Variants in SKI observed in about 807,000 individuals in gnomAD.
SKI encodes the protein SKI proto-oncogene.
Under a neutral mutation model 59.3 loss-of-function variants are expected in SKI, and 23 were observed. The observed-to-expected ratio is 0.39, with a 90% confidence interval of 0.28 to 0.55. SKI has a LOEUF of 0.55. Among genes scored for constraint, SKI ranks in the 20% least tolerant of loss-of-function variants. SKI has a pLI of 0.67. For missense variants in SKI, 1,017 were observed against 1,038.9 expected, an observed-to-expected ratio of 0.98 and a Z score of 0.29; for synonymous variants, 673 against 488.6, an observed-to-expected ratio of 1.38 and a Z score of -4.98.
intron 1 of SKI, among the ~76,000 whole-genome samples, chr1:2,298,743 G>A (rs1186876969): frequency 6.6e-6 from 1 of 152,232 alleles, no homozygotes; most frequent in Non-Finnish European, 1.5e-5. Flanking sequence ...GCCGATCCTG[G>A]CTGCTGTATC....
At chr1:2,305,441 C>T (rs1030836621) in intron 5 of SKI, among the ~76,000 whole-genome samples, 16 of 152,174 alleles carry the variant, frequency 1.1e-4, no homozygotes, top group Non-Finnish European at 2.1e-4. Context: ...CCCTCCTGCG[C>T]GTGCCAGTCC....
chr1:2,295,933 G>A (rs1557846404), intron 1 of SKI, among the ~76,000 whole-genome samples: 1 of 152,176 alleles, frequency 6.6e-6, no homozygotes, highest in Non-Finnish European at 1.5e-5. Context: ...AGTAACCTGC[G>A]TGTACGCCGA....
At chr1:2,288,968 C>T (rs1640103975) in intron 1 of SKI, among the ~76,000 whole-genome samples, 1 of 152,250 alleles carries the variant, frequency 6.6e-6, no homozygotes, top group South Asian at 2.1e-4. Context: ...CTGCCTCGCT[C>T]TTCCTGCAGG....
chr1:2,242,499 A>C (rs2100810700), intron 1 of SKI, among the ~76,000 whole-genome samples: 1 of 152,178 alleles, frequency 6.6e-6, no homozygotes, highest in South Asian at 2.1e-4. Context: ...TGTAATCTCT[A>C]CCACATTGAT....
intron 1 of SKI, among the ~76,000 whole-genome samples, chr1:2,263,409 T>C (rs1208015271): frequency 6.6e-6 from 1 of 151,628 alleles, no homozygotes; most frequent in East Asian, 2.0e-4. Flanking sequence ...GGCTAATTTT[T>C]GTATTTTTAA....
intron 1 of SKI, among the ~76,000 whole-genome samples, chr1:2,238,295 C>T (rs888233029): frequency 1.3e-5 from 2 of 152,222 alleles, no homozygotes; most frequent in African/African-American, 2.4e-5. Flanking sequence ...CCGTGGCCCT[C>T]TTTTTTTATG....
chr1:2,260,673 T>C (rs554604238), intron 1 of SKI, among the ~76,000 whole-genome samples: 1 of 151,518 alleles, frequency 6.6e-6, no homozygotes, highest in Admixed American at 6.6e-5. Context: ...CCTGGCTAGC[T>C]GAGACTACAG....
chr1:2,305,746 C>A (rs1029503872), intron 5 of SKI, among the ~76,000 whole-genome samples: 1 of 152,186 alleles, frequency 6.6e-6, no homozygotes, highest in African/African-American at 2.4e-5. Context: ...CCCTAGATAC[C>A]GGGGGAGGCC....
Position 2,304,062 on chromosome 1 carries a change from G to A in SKI, c.1434G>A (p.Lys478=), listed in dbSNP as rs1410238560. ...LAPVAAPEED[K]DSEAEVEVES... Reference sequence around the variant, plus strand: ...CCGTGGCTGCCCCAGAGGAGGACAAGGACTCGGAGGCGGAGGTGGAAGTTG... The same window carrying A: ...CCGTGGCTGCCCCAGAGGAGGACAAAGACTCGGAGGCGGAGGTGGAAGTTG... Residue 478 remains lysine, a synonymous_variant, in exon 4 of 7, where the codon AAG becomes AAA. Transcript: ENST00000378536. The A allele has an allele frequency of 6.2e-7, 1 of 1,612,504 alleles. No homozygotes were observed. Among genetic ancestry groups the A allele is most frequent in the African/African-American group, 1.3e-5 (1 of 74,934 alleles).
intron 1 of SKI, among the ~76,000 whole-genome samples, chr1:2,250,562 C>T (rs1639123372): frequency 6.6e-6 from 1 of 152,218 alleles, no homozygotes; most frequent in South Asian, 2.1e-4. Flanking sequence ...GCACTGGCCT[C>T]CTCTCGCCAC....
Position 2,308,077 on chromosome 1 carries a change from T to G in SKI, c.*1312T>G, listed in dbSNP as rs796897871. The G allele has an allele frequency of 1.3e-5, 2 of 152,516 alleles. No homozygotes were observed. The highest frequency in any genetic ancestry group is 4.8e-5 in the African/African-American group (2 of 41,584). 9.4% of individuals were successfully genotyped at this position (152,516 alleles called of 1,614,324 possible). A position where few individuals can be genotyped will look rare whatever the true frequency, so the allele number is the denominator to read the frequency against. Reference sequence around the variant, plus strand: ...ACCTGTTTATGCAAATTGTATAAGGTTTCTTATGCCCAAGCTTGAAAAATG... The same window carrying G: ...ACCTGTTTATGCAAATTGTATAAGGGTTCTTATGCCCAAGCTTGAAAAATG... On this transcript the variant is annotated 3_prime_UTR_variant, in exon 7 of 7. Transcript: ENST00000378536.
At chr1:2,290,854 G>A (rs1350462182) in intron 1 of SKI, among the ~76,000 whole-genome samples, 1 of 152,242 alleles carries the variant, frequency 6.6e-6, no homozygotes, top group Admixed American at 6.5e-5. Flanking sequence ...GATTCTTGGT[G>A]AATCAGCCTT....
chr1:2,252,794 C>T (rs933170584), intron 1 of SKI, among the ~76,000 whole-genome samples: 2 of 152,008 alleles, frequency 1.3e-5, no homozygotes, highest in African/African-American at 4.8e-5. Context: ...AAATATTGAA[C>T]GTTACAAGAA....
At chr1:2,275,428 G>A (rs1019064410) in intron 1 of SKI, among the ~76,000 whole-genome samples, 1 of 152,248 alleles carries the variant, frequency 6.6e-6, no homozygotes, top group Non-Finnish European at 1.5e-5. Context: ...TGGCCTGGCC[G>A]GTGTGGGCAG....
Position 2,228,914 on chromosome 1 carries a change from G to A in SKI, c.148G>A (p.Glu50Lys). The part of the protein sequence containing the change: ...ARWAQEAYKK[E>K]SAKEAGAAAV... ...CTGGGCGCAGGAGGCCTACAAGAAG[G>A]AGAGCGCCAAGGAGGCGGGCGCGGC... Residue 50 changes from glutamate (E) to lysine (K), a missense_variant, in exon 1 of 7, where the codon GAG becomes AAG. Coordinates refer to ENST00000378536, the MANE Select transcript of SKI (RefSeq NM_003036.4). The A allele has an allele frequency of 7.1e-7, 1 of 1,406,886 alleles. No homozygotes were observed. Among genetic ancestry groups the A allele is most frequent in the African/African-American group, 1.5e-5 (1 of 66,918 alleles). The allele number at this position is 1,406,886 out of a possible 1,614,324, so 87.2% of individuals were successfully genotyped here.
chr1:2,302,931 C>G lies in SKI; in HGVS notation c.970-47C>G, dbSNP rs777336046. On this transcript the variant is annotated intron_variant, in intron 1 of 6. Coordinates refer to ENST00000378536, the MANE Select transcript of SKI (RefSeq NM_003036.4). ...CAGCCACGGGGCTGGTGGAGGGACC[C>G]TGCCCTGGGAACCACAGGTGCCAAC... 33 of 1,612,860 alleles carry G rather than the reference C, an allele frequency of 2.0e-5. No homozygotes were observed. The South Asian group carries it at 3.2e-4, about 16-fold the overall frequency.
chr1:2,292,581 G>T (rs945261573), intron 1 of SKI, among the ~76,000 whole-genome samples: 4 of 152,190 alleles, frequency 2.6e-5, no homozygotes, highest in African/African-American at 9.7e-5. Flanking sequence ...CTGATGGAGG[G>T]GTGTGTACCT....
intron 1 of SKI, among the ~76,000 whole-genome samples, chr1:2,234,766 T>C (rs1287909185): frequency 9.9e-5 from 15 of 152,232 alleles, no homozygotes; most frequent in Non-Finnish European, 2.2e-4. Context: ...AAGCTTCAAC[T>C]GAAATGTTTT....
intron 1 of SKI, among the ~76,000 whole-genome samples, chr1:2,283,960 C>T (rs1371034510): frequency 6.6e-6 from 1 of 152,144 alleles, no homozygotes; most frequent in Non-Finnish European, 1.5e-5. Flanking sequence ...TGCTTGTTTC[C>T]CTCCAGAGCT....
Sources: allele counts gnomAD v4.1 joint callset (sites outside exome capture counted in the v4.1 genomes callset), GRCh38; gene constraint gnomAD v4.1.1; transcripts MANE v1.5; gene names NCBI Gene and HGNC (gene_info 2026-07-23, HGNC 2026-07-21).